The following CHD9 variants were observed in gnomAD, a reference collection of about 807,000 sequenced individuals.
CHD9 encodes the protein chromodomain helicase DNA binding protein 9.
A neutral mutation model predicts 316.1 loss-of-function variants in CHD9; 77 were observed. That is an observed-to-expected ratio of 0.24 (90% CI 0.20 to 0.29). The LOEUF (loss-of-function observed/expected upper bound fraction) is 0.29, where lower values mean the gene tolerates loss of function less well. Ranked by LOEUF, CHD9 falls within the 10% of genes least tolerant of loss-of-function variation. The probability of loss-of-function intolerance (pLI) is 1.00; values close to 1 mark genes in which losing one functional copy is unlikely to be tolerated. For missense variants in CHD9, 2,763 were observed against 3,438.1 expected, an observed-to-expected ratio of 0.80 and a Z score of 4.91; for synonymous variants, 1,129 against 1,158.3, an observed-to-expected ratio of 0.97 and a Z score of 0.51.
At chr16:53,163,534 A>G (rs1436941904) in intron 2 of CHD9, among the ~76,000 whole-genome samples, 3 of 152,186 alleles carry the variant, frequency 2.0e-5, no homozygotes, top group African/African-American at 4.8e-5. Flanking sequence ...TTAAAGAAAC[A>G]AAATTGAGAT....
intron 1 of CHD9, among the ~76,000 whole-genome samples, chr16:53,063,015 C>T (rs1346859775): frequency 4.6e-5 from 7 of 151,546 alleles, no homozygotes; most frequent in African/African-American, 7.3e-5. Context: ...AGTGAAACTC[C>T]GTCTCAAAAA....
chr16:53,233,615 C>T (rs760321727), intron 10 of CHD9, among the ~76,000 whole-genome samples: 2 of 151,968 alleles, frequency 1.3e-5, no homozygotes, highest in African/African-American at 4.8e-5. Flanking sequence ...CCTTCCTCCC[C>T]TCCTCCCCTC....
intron 2 of CHD9, among the ~76,000 whole-genome samples, chr16:53,180,301 C>A (rs1007370065): frequency 1.3e-5 from 2 of 152,156 alleles, no homozygotes; most frequent in African/African-American, 4.8e-5. Flanking sequence ...GCCACCGCCC[C>A]CGGCCTTACC....
chr16:53,314,027 T>C (rs2056689866), intron 34 of CHD9, among the ~76,000 whole-genome samples: 1 of 151,682 alleles, frequency 6.6e-6, no homozygotes, highest in Non-Finnish European at 1.5e-5. Context: ...AGATAAATGA[T>C]TTTTTTTAAA....
At position 53,243,034 on chromosome 16, in the gene CHD9, A is replaced by G. The variant is rs780526902; in HGVS notation, c.3054+18A>G. ...TGAATCTGGTAAGTAACTTAATATT[A>G]TCATTATGACAATTGAGTTTATTAG... On this transcript the variant is annotated intron_variant, in intron 13 of 38. Coordinates refer to ENST00000447540, the MANE Select transcript of CHD9 (RefSeq NM_001308319.2). The G allele has an allele frequency of 1.3e-6, 2 of 1,531,144 alleles. No individual in the cohort carries two copies. The highest frequency in any genetic ancestry group is 1.4e-5 in the African/African-American group (1 of 72,972). The allele number at this position is 1,531,144 out of a possible 1,614,324, so 94.8% of individuals were successfully genotyped here. A position where few individuals can be genotyped will look rare whatever the true frequency, so the allele number is the denominator to read the frequency against.
At chr16:53,057,526 A>C (rs1042334930) in intron 1 of CHD9, among the ~76,000 whole-genome samples, 4 of 151,782 alleles carry the variant, frequency 2.6e-5, no homozygotes, top group African/African-American at 9.7e-5. Context: ...TGGTGGCAAG[A>C]GCCCGTAATC....
rs1014760465 is a variant in CHD9, at chr16:53,326,582, T to G, written c.*1687T>G. Reference sequence around the variant, plus strand: ...GTATTGATTTTGTATTTTCCCAAAATAGTACTTTGAATTGATAGTCCTTTA... The same window carrying G: ...GTATTGATTTTGTATTTTCCCAAAAGAGTACTTTGAATTGATAGTCCTTTA... On this transcript the variant is annotated 3_prime_UTR_variant, in exon 39 of 39. Transcript: ENST00000447540. The G allele has an allele frequency of 6.6e-6, 1 of 152,474 alleles. No homozygotes were observed. Among genetic ancestry groups the G allele is most frequent in the Admixed American group, 6.6e-5 (1 of 15,260 alleles). The allele number at this position is 152,474 out of a possible 1,614,324, so 9.4% of individuals were successfully genotyped here.
At chr16:53,321,784 T>G (rs2057285366) in intron 38 of CHD9, among the ~76,000 whole-genome samples, 154 bp downstream of exon 38, 1 of 152,156 alleles carries the variant, frequency 6.6e-6, no homozygotes, top group South Asian at 2.1e-4. Context: ...TGTTGCAAAT[T>G]TCTCAGATGC....
At chr16:53,085,241 T>TTTTTTTTA (rs1567316417) in intron 1 of CHD9, among the ~76,000 whole-genome samples, 6 of 146,138 alleles carry the variant, frequency 4.1e-5, no homozygotes, top group Non-Finnish European at 9.1e-5. Flanking sequence ...TTTTTTTTTT[T>TTTTTTTTA]TTTTTTTTAT....
At chr16:53,247,637 T>A in intron 16 of CHD9, 134 bp downstream of exon 16, 1 of 676,088 alleles carries the variant, frequency 1.5e-6, no homozygotes, top group Non-Finnish European at 2.5e-6. Context: ...AATTTATAAG[T>A]AAAGATTGTT....
intron 1 of CHD9, among the ~76,000 whole-genome samples, chr16:53,126,650 G>GTTCA (rs897275206): frequency 1.5e-4 from 18 of 121,944 alleles, no homozygotes; most frequent in Non-Finnish European, 2.8e-4. Context: ...CCTTCCTTTC[G>GTTCA]TTCATTCATT....
intron 1 of CHD9, among the ~76,000 whole-genome samples, chr16:53,073,780 G>C (rs960883444): frequency 2.0e-5 from 3 of 152,134 alleles, no homozygotes; most frequent in South Asian, 2.1e-4. Context: ...ATAATTCTGA[G>C]GCCTCCTCAG....
chr16:53,113,219 G>A (rs999149230), intron 1 of CHD9, among the ~76,000 whole-genome samples: 2 of 151,978 alleles, frequency 1.3e-5, no homozygotes, highest in African/African-American at 2.4e-5. Context: ...TGTGAGGCAG[G>A]CAGCATAGAT....
chr16:53,110,321 G>A (rs998987530), intron 1 of CHD9, among the ~76,000 whole-genome samples: 2 of 152,216 alleles, frequency 1.3e-5, no homozygotes, highest in Non-Finnish European at 2.9e-5. Context: ...GCTGGGTGCA[G>A]TGCCTCATGC....
At chr16:53,222,055 T>G (rs1328187467) in intron 3 of CHD9, among the ~76,000 whole-genome samples, 1 of 152,028 alleles carries the variant, frequency 6.6e-6, no homozygotes, top group East Asian at 1.9e-4. Context: ...TTTATTTATT[T>G]ATTTGTTTGT....
At chr16:53,294,402 C>G (rs555127243) in intron 29 of CHD9, among the ~76,000 whole-genome samples, 3 of 152,268 alleles carry the variant, frequency 2.0e-5, no homozygotes, top group Admixed American at 1.3e-4. Context: ...TTTTTGTTAT[C>G]TATTGTTGCA....
In CHD9 at chr16:53,324,558, C is replaced by T. The variant is rs1420577182; in HGVS notation, c.8357C>T (p.Ala2786Val). The change falls in exon 39 of 39, where the codon GCA becomes GTA. Residue 2786 changes from alanine (A) to valine (V), a missense_variant. Ala to Val is a moderately conservative substitution (Grantham distance 64). Transcript: ENST00000447540. The part of the protein sequence containing the change: ...TSSTAALNTA[A>V]AANPLALNPL... ...TCTACTGCTGCATTAAATACAGCTG[C>T]AGCTGCCAACCCATTAGCTCTTAAC... is the stretch of plus-strand genomic sequence containing the variant. 6.2e-7 allele frequency: 1 copy of T among 1,613,624 alleles called. No individual in the cohort carries two copies. Among genetic ancestry groups the T allele is most frequent in the Non-Finnish European group, 8.5e-7 (1 of 1,179,656 alleles).
intron 3 of CHD9, among the ~76,000 whole-genome samples, chr16:53,213,254 A>G (rs1597456890): frequency 6.6e-6 from 1 of 152,226 alleles, no homozygotes; most frequent in South Asian, 2.1e-4. Context: ...GCTTGTGGCT[A>G]TGTGGAAGGG....
chr16:53,280,545 G>C (rs533914528), intron 24 of CHD9, among the ~76,000 whole-genome samples: 2 of 152,050 alleles, frequency 1.3e-5, no homozygotes, highest in South Asian at 2.1e-4. Context: ...GGGGGTTCGG[G>C]ATAAAAGACT....
Sources: allele counts gnomAD v4.1 joint callset (sites outside exome capture counted in the v4.1 genomes callset), GRCh38; gene constraint gnomAD v4.1.1; transcripts MANE v1.5; gene names NCBI Gene and HGNC (gene_info 2026-07-23, HGNC 2026-07-21).